The following RARB variants were observed in gnomAD, a reference collection of about 807,000 sequenced individuals.
RARB encodes the protein HBV-activated protein.
In RARB, 17 loss-of-function variants were observed where a neutral mutation model predicts 51.9. The observed-to-expected ratio is 0.33, with a 90% CI of 0.22 to 0.49. RARB has a LOEUF of 0.49. Ranked by LOEUF, RARB falls within the 20% of genes least tolerant of loss-of-function variation. The probability of loss-of-function intolerance (pLI) is 0.99; values close to 1 mark genes in which losing one functional copy is unlikely to be tolerated. For missense variants in RARB, 369 were observed against 550.8 expected (o/e 0.67, Z 3.30); for synonymous variants, 215 against 195.4 (o/e 1.10, Z -0.84).
chr3:25,288,674 T>C (rs1703712643), intron 5 of RARB, among the ~76,000 whole-genome samples: 1 of 152,112 alleles, frequency 6.6e-6, no homozygotes, highest in South Asian at 2.1e-4. Context: ...GTACTCCCTG[T>C]ACCAGAAACA....
intron 3 of RARB, among the ~76,000 whole-genome samples, chr3:25,080,442 A>G (rs1698970763): frequency 6.6e-6 from 1 of 152,234 alleles, no homozygotes; most frequent in Non-Finnish European, 1.5e-5. Flanking sequence ...TTAAAGTAGA[A>G]TGGCTGGAAT....
At chr3:24,835,458 T>C (rs1174282218) in intron 1 of RARB, among the ~76,000 whole-genome samples, 1 of 152,208 alleles carries the variant, frequency 6.6e-6, no homozygotes, top group African/African-American at 2.4e-5. Flanking sequence ...GTAATGGCTT[T>C]TAAATGATGA....
intron 5 of RARB, 107 bp downstream of exon 5, chr3:25,580,829 G>A (rs1342795495): frequency 1.7e-5 from 21 of 1,268,818 alleles, no homozygotes; most frequent in Non-Finnish European, 2.1e-5. Flanking sequence ...GAGGTTTTGA[G>A]TTTCGACTCT....
chr3:25,423,647 G>A (rs1402361836), upstream of RARB, among the ~76,000 whole-genome samples: 1 of 152,104 alleles, frequency 6.6e-6, no homozygotes, highest in Non-Finnish European at 1.5e-5. Context: ...TTTTGGACAA[G>A]ACTTTGAATT....
intron 1 of RARB, among the ~76,000 whole-genome samples, chr3:25,431,508 A>G (rs1195821415): frequency 1.3e-5 from 2 of 152,136 alleles, no homozygotes; most frequent in Non-Finnish European, 2.9e-5. Flanking sequence ...ACGATTGACG[A>G]CTGCCCCTGG....
chr3:24,891,347 G>A (rs1027452018), intron 2 of RARB, among the ~76,000 whole-genome samples: 3 of 152,096 alleles, frequency 2.0e-5, no homozygotes, highest in Admixed American at 1.3e-4. Context: ...AAGCTTGTCT[G>A]TTCTGCTTAC....
intron 5 of RARB, among the ~76,000 whole-genome samples, chr3:25,338,794 T>C (rs566221916): frequency 7.2e-5 from 11 of 152,310 alleles, no homozygotes; most frequent in Non-Finnish European, 1.6e-4. Context: ...ATTAAAATAC[T>C]GAAATATTTG....
At chr3:25,276,107 T>A (rs989143840) in intron 5 of RARB, among the ~76,000 whole-genome samples, 3 of 152,348 alleles carry the variant, frequency 2.0e-5, no homozygotes, top group South Asian at 2.1e-4. Flanking sequence ...GGGGATAGTG[T>A]AAGAATTAAA....
At chr3:25,435,447 T>C (rs1708394329) in intron 1 of RARB, among the ~76,000 whole-genome samples, 1 of 152,194 alleles carries the variant, frequency 6.6e-6, no homozygotes, top group Non-Finnish European at 1.5e-5. Context: ...CTTTGTCATG[T>C]CATCAAAGTC....
At chr3:25,075,147 G>T (rs115204784) in intron 3 of RARB, among the ~76,000 whole-genome samples, 2 of 152,206 alleles carry the variant, frequency 1.3e-5, no homozygotes, top group Admixed American at 1.3e-4. Flanking sequence ...CAGATGTGGG[G>T]GTCTTCCAGT....
chr3:25,335,934 G>T (rs1705049040), intron 5 of RARB, among the ~76,000 whole-genome samples: 1 of 152,096 alleles, frequency 6.6e-6, no homozygotes, highest in Non-Finnish European at 1.5e-5. Flanking sequence ...ATTAATAAAT[G>T]TTCATTTATT....
chr3:24,860,354 T>C (rs1575039774), intron 2 of RARB, among the ~76,000 whole-genome samples: 1 of 152,220 alleles, frequency 6.6e-6, no homozygotes, highest in East Asian at 1.9e-4. Context: ...CTTCTTTTAG[T>C]TCTTCAGCCA....
chr3:25,591,831 C>A (rs1449261460), intron 5 of RARB, among the ~76,000 whole-genome samples: 1 of 152,180 alleles, frequency 6.6e-6, no homozygotes, highest in Non-Finnish European at 1.5e-5. Flanking sequence ...CTGGTGCCTT[C>A]CTCCTTATCC....
chr3:25,023,857 G>T (rs1307395220), intron 2 of RARB, among the ~76,000 whole-genome samples: 1 of 152,162 alleles, frequency 6.6e-6, no homozygotes, highest in East Asian at 1.9e-4. Flanking sequence ...AATACATGCA[G>T]AAATATCTCT....
At chr3:25,568,361 T>A (rs1037417795) in intron 3 of RARB, among the ~76,000 whole-genome samples, 1 of 152,146 alleles carries the variant, frequency 6.6e-6, no homozygotes, top group Non-Finnish European at 1.5e-5. Flanking sequence ...GCCTACCTGA[T>A]AAAAGGATCA....
chr3:25,368,069 C>A (rs978569725), intron 5 of RARB, among the ~76,000 whole-genome samples: 2 of 152,238 alleles, frequency 1.3e-5, no homozygotes, highest in African/African-American at 4.8e-5. Flanking sequence ...TTCCTTTATT[C>A]TAAGAATATT....
intron 5 of RARB, among the ~76,000 whole-genome samples, chr3:25,365,238 C>T (rs1413029854): frequency 1.9e-5 from 2 of 103,766 alleles, no homozygotes; most frequent in East Asian, 6.7e-4. Flanking sequence ...GCTGGAGGCT[C>T]AAGGGATTCT....
chr3:25,148,168 G>T (rs1210507220), intron 4 of RARB, among the ~76,000 whole-genome samples: 2 of 152,132 alleles, frequency 1.3e-5, no homozygotes, highest in Admixed American at 1.3e-4. Context: ...AGTTGCAATG[G>T]TTAAGAGACA....
intron 3 of RARB, among the ~76,000 whole-genome samples, chr3:25,131,858 G>A (rs6804502): frequency 0.56 from 84,658 of 151,478 alleles, 23,912 homozygotes; most frequent in East Asian, 0.7. Context: ...GTTTTTCACC[G>A]TTACTAGCAC....
Sources: allele counts gnomAD v4.1 joint callset (sites outside exome capture counted in the v4.1 genomes callset), GRCh38; gene constraint gnomAD v4.1.1; transcripts MANE v1.5; gene names NCBI Gene and HGNC (gene_info 2026-07-23, HGNC 2026-07-21).